The following LAMA2 variants were observed in gnomAD, a reference collection of about 807,000 sequenced individuals.
LAMA2 encodes the protein laminin subunit alpha-2.
Under a neutral mutation model 364.8 loss-of-function variants are expected in LAMA2, and 269 were observed. That is an observed-to-expected ratio of 0.74 (90% CI 0.67 to 0.82). The LOEUF (loss-of-function observed/expected upper bound fraction) is 0.82. Ranked by LOEUF, LAMA2 falls within the 40% of genes least tolerant of loss-of-function variation. LAMA2 has a pLI of 0.00. For missense variants in LAMA2, 3,807 were observed against 3,873.2 expected (o/e 0.98, Z 0.45); for synonymous variants, 1,379 against 1,370.6 (o/e 1.01, Z -0.14).
chr6:129,413,603 A>C (rs188350123), intron 40 of LAMA2, among the ~76,000 whole-genome samples: 1 of 152,312 alleles, frequency 6.6e-6, no homozygotes, highest in African/African-American at 2.4e-5. Context: ...ATGCAATACA[A>C]TTAGAAATTG....
intron 54 of LAMA2, among the ~76,000 whole-genome samples, chr6:129,480,309 G>A (rs2114837405): frequency 6.6e-6 from 1 of 152,112 alleles, no homozygotes; most frequent in East Asian, 1.9e-4. Flanking sequence ...CAAAATCTAG[G>A]ACTTTAAAAA....
chr6:129,256,838 T>A (rs1179992426), intron 14 of LAMA2, among the ~76,000 whole-genome samples: 5 of 143,270 alleles, frequency 3.5e-5, no homozygotes, highest in African/African-American at 1.3e-4. Context: ...TCAAGGGTAT[T>A]TTTGTTGTTT....
chr6:129,443,697 C>A (rs962422526), intron 44 of LAMA2, among the ~76,000 whole-genome samples: 1 of 152,186 alleles, frequency 6.6e-6, no homozygotes, highest in Middle Eastern at 3.4e-3. Context: ...AACAAATGAA[C>A]AACTACTGGG....
At chr6:128,928,973 T>G in intron 1 of LAMA2, 1 of 1,090,354 alleles carries the variant, frequency 9.2e-7, no homozygotes, top group Non-Finnish European at 1.4e-6. Context: ...GGGAAGCTAC[T>G]CATTCCAGCT....
chr6:129,021,369 AT>A (rs1330729546), intron 1 of LAMA2, among the ~76,000 whole-genome samples: 1 of 152,226 alleles, frequency 6.6e-6, no homozygotes, highest in Non-Finnish European at 1.5e-5. Context: ...AATTATTCTG[AT>A]GCTAAAATTA....
chr6:128,987,140 G>GTTTTTTTTTTTTTTTT (rs764115716), intron 1 of LAMA2, among the ~76,000 whole-genome samples: 4 of 121,358 alleles, frequency 3.3e-5, no homozygotes, highest in Admixed American at 1.0e-4. Flanking sequence ...TTTTTTTTTT[G>GTTTTTTTTTTTTTTTT]TTTTTTTTTT....
intron 1 of LAMA2, among the ~76,000 whole-genome samples, chr6:128,990,816 A>G (rs1181683150): frequency 6.6e-6 from 1 of 152,158 alleles, no homozygotes; most frequent in Non-Finnish European, 1.5e-5. Context: ...TTGAGCTGCA[A>G]GTGAAGACTT....
chr6:128,936,175 T>C (rs1779799391), intron 1 of LAMA2, among the ~76,000 whole-genome samples: 1 of 152,204 alleles, frequency 6.6e-6, no homozygotes, highest in Non-Finnish European at 1.5e-5. Flanking sequence ...CAATTAAAAC[T>C]TTTTCCTTTA....
At chr6:129,043,995 C>T (rs1302493799) in intron 1 of LAMA2, among the ~76,000 whole-genome samples, 2 of 152,118 alleles carry the variant, frequency 1.3e-5, no homozygotes, top group Non-Finnish European at 2.9e-5. Flanking sequence ...CCTCTCTTTA[C>T]ACCTGCTGTG....
chr6:129,020,369 A>C (rs1415409457), intron 1 of LAMA2, among the ~76,000 whole-genome samples: 1 of 152,186 alleles, frequency 6.6e-6, no homozygotes, highest in Admixed American at 6.5e-5. Flanking sequence ...AGACAGATTA[A>C]CATGAGAAAA....
At chr6:129,399,547 C>A (rs1157844963) in intron 37 of LAMA2, among the ~76,000 whole-genome samples, 3 of 152,272 alleles carry the variant, frequency 2.0e-5, no homozygotes, top group East Asian at 3.9e-4. Context: ...GCTGTGATCC[C>A]AAACCAGAAG....
intron 3 of LAMA2, among the ~76,000 whole-genome samples, chr6:129,076,884 C>T (rs756224591): frequency 2.6e-5 from 4 of 151,910 alleles, no homozygotes; most frequent in East Asian, 1.9e-4. Context: ...ACAATAAACA[C>T]AATGAAAAGA....
In LAMA2 at chr6:129,320,603, A is replaced by C; in HGVS notation, c.4124A>C (p.Asp1375Ala). The C allele has an allele frequency of 6.2e-7, 1 of 1,613,750 alleles. No individual in the cohort carries two copies. Among genetic ancestry groups the C allele is most frequent in the Non-Finnish European group, 8.5e-7 (1 of 1,179,710 alleles). The change falls in exon 28 of 65, where the codon GAC (aspartate) becomes GCC (alanine). Residue 1375 changes from aspartate (D) to alanine (A), a missense_variant. By Grantham distance (126) the Asp-to-Ala change is moderately radical. Around this residue, in one of 3 missense-constraint regions of LAMA2, gnomAD observed 3,333 missense variants for 3,345.7 expected, o/e 1.00. Transcript: ENST00000421865. Reference sequence around the variant, plus strand: ...GGAACAACAATGACTCCTCCAGCTGACTTGATTGAAAAATGTGATTGTCCC... The same window carrying C: ...GGAACAACAATGACTCCTCCAGCTGCCTTGATTGAAAAATGTGATTGTCCC... ...GRGTTMTPPA[D>A]LIEKCDCPLG...
intron 3 of LAMA2, among the ~76,000 whole-genome samples, chr6:129,061,457 T>C: frequency 6.6e-6 from 1 of 152,236 alleles, no homozygotes; most frequent in East Asian, 1.9e-4. Flanking sequence ...GGCAGCATTT[T>C]TCCCCTCCTA....
At chr6:129,327,154 A>G (rs1291779606) in intron 28 of LAMA2, among the ~76,000 whole-genome samples, 2 of 152,152 alleles carry the variant, frequency 1.3e-5, no homozygotes. Context: ...TTAGGCTGTG[A>G]TAAAAGCAGA....
intron 14 of LAMA2, among the ~76,000 whole-genome samples, chr6:129,254,201 G>A (rs1472379403): frequency 6.6e-6 from 1 of 152,180 alleles, no homozygotes; most frequent in Non-Finnish European, 1.5e-5. Flanking sequence ...ATTTACAGTG[G>A]ATTTACTTCC....
chr6:129,169,099 G>A (rs369279273), intron 9 of LAMA2, among the ~76,000 whole-genome samples: 17 of 152,080 alleles, frequency 1.1e-4, no homozygotes, highest in South Asian at 6.2e-4. Context: ...CAATCATGTC[G>A]TCTGCAAACG....
intron 55 of LAMA2, among the ~76,000 whole-genome samples, chr6:129,483,067 G>C (rs35893565): frequency 0.44 from 45,284 of 102,716 alleles, 8,204 homozygotes; most frequent in African/African-American, 0.6. Flanking sequence ...ACTCCGACTC[G>C]AAAAAAAAAA....
In LAMA2 at chr6:129,195,603, A is replaced by G. The variant is rs560138902; in HGVS notation, c.1782+2750A>G. 4.1e-4 allele frequency among the ~76,000 whole-genome samples: 63 copies of G among 152,334 alleles called. 1 individual carries two copies. In the South Asian group the frequency reaches 0.012, roughly 29 times the overall value. On this transcript the variant is annotated intron_variant, in intron 12 of 64. Transcript: ENST00000421865. Reference sequence around the variant, plus strand: ...CTATGTACCAGTGAATATTTGGCACAACTGGCAGAATCAAGTGTTAATTTT... The same window carrying G: ...CTATGTACCAGTGAATATTTGGCACGACTGGCAGAATCAAGTGTTAATTTT...
Sources: allele counts gnomAD v4.1 joint callset (sites outside exome capture counted in the v4.1 genomes callset), GRCh38; gene constraint gnomAD v4.1.1; regional missense constraint gnomAD v4.1.1; transcripts MANE v1.5; gene names NCBI Gene and HGNC (gene_info 2026-07-23, HGNC 2026-07-21).